OR13G1: variants seen among roughly 807,000 people sequenced by gnomAD.
OR13G1 encodes olfactory receptor family 13 subfamily G member 1, also known as olfactory receptor 13G1.
For missense variants in OR13G1, 369 were observed against 385.7 expected (o/e 0.96, Z 0.36); for synonymous variants, 128 against 136.2 (o/e 0.94, Z 0.42).
chr1:247,671,965 C>T lies in OR13G1; in HGVS notation c.*153G>A, dbSNP rs1659212564. 1 of 607,918 alleles carries T rather than the reference C, an allele frequency of 1.6e-6. No individual in the cohort carries two copies. The highest frequency in any genetic ancestry group is 2.9e-6 in the Non-Finnish European group (1 of 348,234). 37.7% of individuals were successfully genotyped at this position (607,918 alleles called of 1,614,324 possible). A position where few individuals can be genotyped will look rare whatever the true frequency, so the allele number is the denominator to read the frequency against. ...ATGAATATTCTTCACATAAAGAGTA[C>T]AGAATTTTGGAGACAATGAGACTGC... On this transcript the variant is annotated 3_prime_UTR_variant, in exon 2 of 2. Coordinates refer to ENST00000642119, the MANE Select transcript of OR13G1 (RefSeq NM_001005487.2).
intron 1 of OR13G1, among the ~76,000 whole-genome samples, chr1:247,673,663 A>G (rs1354609844): frequency 6.6e-6 from 1 of 152,088 alleles, no homozygotes; most frequent in South Asian, 2.1e-4. Context: ...AATTTAATCA[A>G]ATGTCTGTAT....
At chr1:247,673,834 T>C (rs1179430227) in intron 1 of OR13G1, among the ~76,000 whole-genome samples, 4 of 152,140 alleles carry the variant, frequency 2.6e-5, no homozygotes, top group Non-Finnish European at 5.9e-5. Flanking sequence ...TTAAGCTCTG[T>C]AAGATTTGGA....
chr1:247,672,595 T>C lies in OR13G1; in HGVS notation c.447A>G (p.Ala149=), dbSNP rs1375909588. Residue 149 remains alanine, a synonymous_variant, in exon 2 of 2, where the codon GCA becomes GCG. Transcript: ENST00000642119. The stretch of plus-strand genomic sequence containing the variant: ...CTGTGTGCACCCAGGAATTGGTGAC[T>C]GCAATAGCCATGACCATGCTGAGCA... ...VALLSMVMAI[A]VTNSWVHTAL... is the part of the protein sequence containing the mutation. 3 of 1,613,928 alleles carry C rather than the reference T, an allele frequency of 1.9e-6. No homozygotes were observed. Among genetic ancestry groups the C allele is most frequent in the Non-Finnish European group, 2.5e-6 (3 of 1,179,972 alleles).
intron 1 of OR13G1, among the ~76,000 whole-genome samples, chr1:247,675,800 T>C (rs1341672982): frequency 6.6e-6 from 1 of 152,154 alleles, no homozygotes; most frequent in Non-Finnish European, 1.5e-5. Flanking sequence ...CTGACTTGCA[T>C]GCTACTGTAG....
chr1:247,672,811 C>A lies in OR13G1; in HGVS notation c.231G>T (p.Lys77Asn). Reference protein sequence around the residue: ...DIICTTSIIPKMLGTMLTSEN... With the variant: ...DIICTTSIIPNMLGTMLTSEN... The stretch of plus-strand genomic sequence containing the variant: ...CTGATGTTAGCATGGTCCCCAGCAT[C>A]TTCGGTATGATGCTTGTTGTGCAGA... Residue 77 changes from lysine to asparagine, a missense_variant, in exon 2 of 2, where the codon AAG (lysine) becomes AAT (asparagine). By Grantham distance (94) the Lys-to-Asn change is moderately conservative (BLOSUM62 0). Coordinates refer to ENST00000642119, the MANE Select transcript of OR13G1 (RefSeq NM_001005487.2). 1 of 1,614,070 alleles carries A rather than the reference C, an allele frequency of 6.2e-7. No homozygotes were observed.
At chr1:247,677,619 T>G (rs1164772628) in intron 1 of OR13G1, among the ~76,000 whole-genome samples, 1 of 152,154 alleles carries the variant, frequency 6.6e-6, no homozygotes, top group Non-Finnish European at 1.5e-5. Context: ...CAGAAAAAAC[T>G]TAGACCATTT....
Position 247,672,080 on chromosome 1 carries a change from G to C in OR13G1, c.*38C>G. On this transcript the variant is annotated 3_prime_UTR_variant, in exon 2 of 2. Coordinates refer to ENST00000642119, the MANE Select transcript of OR13G1 (RefSeq NM_001005487.2). ...AAAATCTGAGATGCTCTAGAAGATG[G>C]TTCTGGAGTACAGAAGTGATGTTGC... 1 of 1,508,626 alleles carries C rather than the reference G, an allele frequency of 6.6e-7. No individual in the cohort carries two copies. The highest frequency in any genetic ancestry group is 9.1e-7 in the Non-Finnish European group (1 of 1,101,012). The allele number at this position is 1,508,626 out of a possible 1,614,324, so 93.5% of individuals were successfully genotyped here. A position where few individuals can be genotyped will look rare whatever the true frequency, so the allele number is the denominator to read the frequency against.
chr1:247,673,224 CTG>C lies in OR13G1; in HGVS notation c.-185_-184del, dbSNP rs1659247278. 1.7e-6 allele frequency: 1 copy of C among 573,438 alleles called. No individual in the cohort carries two copies. The highest frequency in any genetic ancestry group is 1.9e-5 in the African/African-American group (1 of 53,428). 35.5% of individuals were successfully genotyped at this position (573,438 alleles called of 1,614,324 possible). A position where few individuals can be genotyped will look rare whatever the true frequency, so the allele number is the denominator to read the frequency against. On this transcript the variant is annotated 5_prime_UTR_variant, in exon 2 of 2. An upstream open reading frame in the 5' UTR loses its in-frame stop. Transcript: ENST00000642119. ...AGTTCTGTATTCCAGGCAATATACT[CTG>C]TTTTCCAGACTAATCCCATTCTCTG...
chr1:247,672,221 A>G lies in OR13G1; in HGVS notation c.821T>C (p.Leu274Pro), dbSNP rs757137122. The change falls in exon 2 of 2, where the codon CTC (leucine) becomes CCC (proline). Residue 274 changes from leucine (L) to proline (P), a missense_variant. Leu to Pro is a moderately conservative substitution (Grantham distance 98, BLOSUM62 -3). Transcript: ENST00000642119. The stretch of plus-strand genomic sequence containing the variant: ...TAATGTGGGAGTCACAAGAGTATAG[A>G]GTGCAGCTACCACCTTGTCTCTTTC... ...TFERDKVVAA[L>P]YTLVTPTLNP... The G allele has an allele frequency of 3.7e-6, 6 of 1,613,992 alleles. No individual in the cohort carries two copies. Among genetic ancestry groups the G allele is most frequent in the Non-Finnish European group, 4.2e-6 (5 of 1,179,970 alleles).
intron 1 of OR13G1, among the ~76,000 whole-genome samples, chr1:247,674,345 G>A (rs1174573610): frequency 6.6e-6 from 1 of 152,112 alleles, no homozygotes; most frequent in African/African-American, 2.4e-5. Context: ...TAAGTTTTCA[G>A]AGATCATATT....
At position 247,679,567 on chromosome 1, in the gene OR13G1, C is replaced by G. The variant is rs140500822; in HGVS notation, c.-239+73G>C. 139 of 151,230 alleles carry G rather than the reference C, an allele frequency of 9.2e-4. 1 individual carries two copies. The highest frequency in any genetic ancestry group is 3.2e-3 in the African/African-American group (132 of 41,206). 9.4% of individuals were successfully genotyped at this position (151,230 alleles called of 1,614,324 possible). On this transcript the variant is annotated intron_variant, in intron 1 of 1. Coordinates refer to ENST00000642119, the MANE Select transcript of OR13G1 (RefSeq NM_001005487.2). ...AAGGAATTAAATATGTTACCTGGCT[C>G]AAAAATATCCCTACTCAGGCCATGA...
Position 247,672,845 on chromosome 1 carries a change from A to G in OR13G1, c.197T>C (p.Val66Ala), listed in dbSNP as rs1256613799. 1.2e-6 allele frequency: 2 copies of G among 1,614,060 alleles called. No individual in the cohort carries two copies. The highest frequency in any genetic ancestry group is 1.7e-6 in the Non-Finnish European group (2 of 1,179,984). Residue 66 changes from valine (V) to alanine (A), a missense_variant, in exon 2 of 2, where the codon GTG becomes GCG. Transcript: ENST00000642119. ...GATGCTTGTTGTGCAGATGATGTCC[A>G]CAACAGCCAGTGTCAGAAGGAAAAC... ...MYVFLLTLAV[V>A]DIICTTSIIP...
At chr1:247,676,915 C>T (rs1218613546) in intron 1 of OR13G1, among the ~76,000 whole-genome samples, 2 of 152,074 alleles carry the variant, frequency 1.3e-5, no homozygotes, top group Non-Finnish European at 2.9e-5. Flanking sequence ...CAAAAGTAAG[C>T]AGGTTTTGAG....
chr1:247,672,541 C>T lies in OR13G1; in HGVS notation c.501G>A (p.Gly167=). Reference sequence around the variant, plus strand: ...AGAAGAAGTGGTCAATGGTGTTTGGCCCACAGAAAGTCAACCTCATGATAA... The same window carrying T: ...AGAAGAAGTGGTCAATGGTGTTTGGTCCACAGAAAGTCAACCTCATGATAA... ...TALIMRLTFC[G]PNTIDHFFCE... The change falls in exon 2 of 2, where the codon GGG becomes GGA. Residue 167 remains glycine (G), a synonymous_variant. Transcript: ENST00000642119. 6.2e-7 allele frequency: 1 copy of T among 1,614,024 alleles called. No individual in the cohort carries two copies. Among genetic ancestry groups the T allele is most frequent in the Non-Finnish European group, 8.5e-7 (1 of 1,179,982 alleles).
intron 1 of OR13G1, among the ~76,000 whole-genome samples, chr1:247,676,465 TATA>T (rs199584506): frequency 0.015 from 2,193 of 143,224 alleles, 69 homozygotes; most frequent in African/African-American, 0.053. Flanking sequence ...CAATTAATTC[TATA>T]ATAATTATAA....
In OR13G1 at chr1:247,672,818, A is replaced by G. The variant is rs768475110; in HGVS notation, c.224T>C (p.Ile75Thr). Residue 75 changes from isoleucine (I) to threonine (T), a missense_variant, in exon 2 of 2, where the codon ATA (isoleucine) becomes ACA (threonine). Ile to Thr is a moderately conservative substitution (Grantham distance 89, BLOSUM62 -1). Coordinates refer to ENST00000642119, the MANE Select transcript of OR13G1 (RefSeq NM_001005487.2). ...TAGCATGGTCCCCAGCATCTTCGGT[A>G]TGATGCTTGTTGTGCAGATGATGTC... ...VVDIICTTSI[I>T]PKMLGTMLTS... is the part of the protein sequence containing the mutation. 19 of 1,614,016 alleles carry G rather than the reference A, an allele frequency of 1.2e-5. No homozygotes were observed. The highest frequency in any genetic ancestry group is 1.5e-5 in the Non-Finnish European group (18 of 1,179,986).
chr1:247,673,323 C>A, intron 1 of OR13G1, 44 bp from the exon 2 acceptor site: 1 of 379,198 alleles, frequency 2.6e-6, no homozygotes. Context: ...AAAATGCCTT[C>A]AAATATTTTG....
rs776565972 is a variant in OR13G1, at chr1:247,672,714, C to A, written c.328G>T (p.Val110Phe). Residue 110 changes from valine (V) to phenylalanine (F), a missense_variant, in exon 2 of 2, where the codon GTT (valine) becomes TTT (phenylalanine). By Grantham distance (50) the Val-to-Phe change is conservative. Transcript: ENST00000642119. ...TCATAGGCCATGGTGGTGAAGAGAA[C>A]CATCTCAGCTCCCAGAGACCATGTG... is the stretch of plus-strand genomic sequence containing the variant. ...LFTWSLGAEM[V>F]LFTTMAYDRY... 6.2e-7 allele frequency: 1 copy of A among 1,613,920 alleles called. No individual in the cohort carries two copies.
rs758718863 is a variant in OR13G1 at position 247,673,033 on chromosome 1, G to A, written c.9C>T (p.His3=). Residue 3 remains histidine, a synonymous_variant, in exon 2 of 2, where the codon CAC becomes CAT. Transcript: ENST00000642119. ...GAATAATGAACTCAGTTACAACGCT[G>A]TGATTCATCCTGCTTGGGTGATTGA... is the stretch of plus-strand genomic sequence containing the variant. The part of the protein sequence containing the change: MN[H]SVVTEFIILG... 1 of 1,607,902 alleles carries A rather than the reference G, an allele frequency of 6.2e-7. No individual in the cohort carries two copies. Among genetic ancestry groups the A allele is most frequent in the Non-Finnish European group, 8.5e-7 (1 of 1,176,878 alleles).
Sources: gnomAD v4.1 joint callset for allele counts (sites outside exome capture counted in the v4.1 genomes callset) on GRCh38, gnomAD v4.1.1 for gene constraint, MANE v1.5 for transcripts, NCBI Gene and HGNC (gene_info 2026-07-23, HGNC 2026-07-21) for gene names.